The following ABCA9 variants were observed in gnomAD, a reference collection of about 807,000 sequenced individuals.
ABCA9 encodes the protein ATP-binding cassette sub-family A member 9.
A neutral mutation model predicts 205.3 loss-of-function variants in ABCA9; 183 were observed. That is an observed-to-expected ratio of 0.89 (90% confidence interval 0.79 to 1.01). The LOEUF (loss-of-function observed/expected upper bound fraction) is 1.01. Among genes scored for constraint, ABCA9 ranks in the 50% least tolerant of loss-of-function variants. The pLI, the probability that ABCA9 is intolerant of heterozygous loss-of-function variation, is 0.00. For synonymous variants in ABCA9, 651 were observed against 683.3 expected, an observed-to-expected ratio of 0.95 and a Z score of 0.74; for missense variants, 1,805 against 1,912.4, an observed-to-expected ratio of 0.94 and a Z score of 1.05.
chr17:69,043,335 C>T (rs1263022551), intron 6 of ABCA9, 154 bp downstream of exon 6: 83 of 574,606 alleles, frequency 1.4e-4, no homozygotes, highest in Non-Finnish European at 1.8e-4. Context: ...ACTTGCCTGC[C>T]ACTCACCTCC....
chr17:69,015,256 TTA>T (rs2070544701), intron 22 of ABCA9, among the ~76,000 whole-genome samples: 1 of 152,138 alleles, frequency 6.6e-6, no homozygotes, highest in Admixed American at 6.6e-5. Context: ...CCTGCAAAGT[TTA>T]AATTGAATAG....
At chr17:69,009,175 T>C (rs1026883890) in intron 23 of ABCA9, among the ~76,000 whole-genome samples, 9 of 152,262 alleles carry the variant, frequency 5.9e-5, no homozygotes, top group African/African-American at 2.2e-4. Context: ...ATAGAGGCAA[T>C]AGGCAAATAA....
intron 25 of ABCA9, among the ~76,000 whole-genome samples, chr17:68,997,796 A>G (rs911521480): frequency 2.6e-5 from 4 of 152,006 alleles, no homozygotes; most frequent in Non-Finnish European, 4.4e-5. Flanking sequence ...TTATTGACAC[A>G]TCTTTAACAC....
At chr17:69,019,138 T>C (rs9890600) in intron 19 of ABCA9, among the ~76,000 whole-genome samples, 9,014 of 152,154 alleles carry the variant, frequency 0.059, 901 homozygotes, top group African/African-American at 0.2. Flanking sequence ...TCTTCTTAAG[T>C]TGGGCTTTTA....
At chr17:69,041,321 A>G (rs1373902652) in intron 6 of ABCA9, among the ~76,000 whole-genome samples, 1 of 152,196 alleles carries the variant, frequency 6.6e-6, no homozygotes, top group Non-Finnish European at 1.5e-5. Context: ...ATGAGAGGAA[A>G]AAAAATGCCC....
chr17:69,033,951 A>T, intron 8 of ABCA9, 78 bp from the exon 9 acceptor site: 4 of 1,220,628 alleles, frequency 3.3e-6, no homozygotes, highest in Non-Finnish European at 4.7e-6. Context: ...TTCTGCTACA[A>T]CTGGGTTTGC....
At chr17:69,069,732 T>A in the ABCA9 span, among the ~76,000 whole-genome samples, 3 of 152,050 alleles carry the variant, frequency 2.0e-5, no homozygotes, top group African/African-American at 7.2e-5. Context: ...TATTCTGATC[T>A]TCCGTTTTCA....
intron 30 of ABCA9, 138 bp from the exon 31 acceptor site, chr17:68,989,256 T>TCTCTCA (rs138281321): frequency 0.12 from 29,572 of 240,910 alleles, 1,733 homozygotes; most frequent in Admixed American, 0.16. Flanking sequence ...TCTCTCTCTC[T>TCTCTCA]CACACACACA....
intron 6 of ABCA9, among the ~76,000 whole-genome samples, chr17:69,041,519 C>T (rs1187923913): frequency 6.6e-6 from 1 of 152,014 alleles, no homozygotes; most frequent in African/African-American, 2.4e-5. Context: ...GCCTGGCCAA[C>T]ATAGTGAAAC....
At chr17:69,057,875 A>C (rs751419196) in intron 1 of ABCA9, among the ~76,000 whole-genome samples, 24 of 152,178 alleles carry the variant, frequency 1.6e-4, no homozygotes, top group Non-Finnish European at 3.4e-4. Context: ...AAAGTATAAC[A>C]ATTATTTACA....
chr17:68,998,010 A>C (rs957643285), intron 25 of ABCA9, among the ~76,000 whole-genome samples: 3 of 152,164 alleles, frequency 2.0e-5, no homozygotes, highest in African/African-American at 7.2e-5. Context: ...CCTTTTCCAG[A>C]ATGTCATTTA....
In ABCA9 at chr17:69,041,878, T is replaced by A. The variant is rs182205831; in HGVS notation, c.800+1611A>T. On this transcript the variant is annotated intron_variant, in intron 6 of 38. Coordinates refer to ENST00000340001, the MANE Select transcript of ABCA9 (RefSeq NM_080283.4). ...TCATCTTCTCCACTTCTCCACCCGGTATATTGAACACTTGTGTAGAAAATC... is the reference window on the plus strand; with the variant it reads ...TCATCTTCTCCACTTCTCCACCCGGAATATTGAACACTTGTGTAGAAAATC... Among the ~76,000 whole-genome samples the A allele has an allele frequency of 6.6e-4, 101 of 152,248 alleles. No homozygotes were observed. The East Asian group carries it at 0.017, about 26-fold the overall frequency.
chr17:68,976,933 C>T (rs1444477547), intron 37 of ABCA9, among the ~76,000 whole-genome samples: 1 of 152,178 alleles, frequency 6.6e-6, no homozygotes. Context: ...AAAAATGAGA[C>T]TGGAAGGCAA....
At chr17:69,015,570 C>T (rs766732721) in intron 22 of ABCA9, among the ~76,000 whole-genome samples, 3 of 152,084 alleles carry the variant, frequency 2.0e-5, no homozygotes, top group Non-Finnish European at 4.4e-5. Context: ...TCTTTTGATG[C>T]ATCCCAAGAA....
At chr17:68,993,964 C>A (rs902257315) in intron 26 of ABCA9, among the ~76,000 whole-genome samples, 1 of 152,112 alleles carries the variant, frequency 6.6e-6, no homozygotes, top group African/African-American at 2.4e-5. Context: ...CAACCTCTGC[C>A]TCCTGGGTTC....
At position 69,044,981 on chromosome 17, in the gene ABCA9, T is replaced by G. The variant is rs143004313; in HGVS notation, c.469+191A>C. 2.0e-5 allele frequency among the ~76,000 whole-genome samples: 3 copies of G among 152,232 alleles called. No homozygotes were observed. In the East Asian group the frequency reaches 5.8e-4, roughly 29 times the overall value. ...ACTTAGAAATAAGAGTAAATATAAT[T>G]TCTTAATAAAACAATGTACTTAAGC... is the stretch of plus-strand genomic sequence containing the variant. On this transcript the variant is annotated intron_variant, in intron 4 of 38. Transcript: ENST00000340001.
intron 23 of ABCA9, among the ~76,000 whole-genome samples, chr17:69,010,507 G>A (rs893198007): frequency 1.3e-5 from 2 of 152,048 alleles, no homozygotes; most frequent in Non-Finnish European, 2.9e-5. Context: ...AGACAAATGA[G>A]GGAGGGAGGG....
intron 6 of ABCA9, among the ~76,000 whole-genome samples, chr17:69,040,324 G>C (rs1349502402): frequency 6.6e-6 from 1 of 152,140 alleles, no homozygotes; most frequent in African/African-American, 2.4e-5. Flanking sequence ...ATAAATGCTA[G>C]ACTGGATTTA....
At chr17:69,047,881 C>T (rs2071772963) in intron 3 of ABCA9, among the ~76,000 whole-genome samples, 1 of 152,148 alleles carries the variant, frequency 6.6e-6, no homozygotes, top group Non-Finnish European at 1.5e-5. Context: ...CGTGGCTCAG[C>T]CTCTGGATAT....
Sources: gnomAD v4.1 joint callset for allele counts (sites outside exome capture counted in the v4.1 genomes callset) on GRCh38, gnomAD v4.1.1 for gene constraint, MANE v1.5 for transcripts, NCBI Gene and HGNC (gene_info 2026-07-23, HGNC 2026-07-21) for gene names.